Variants in KLHL2 observed in about 807,000 individuals in gnomAD.
KLHL2 encodes the protein kelch-like protein 2.
KLHL2 carries 15 observed loss-of-function variants against 75.8 expected under a neutral mutation model. That is an observed-to-expected ratio of 0.20 (90% CI 0.13 to 0.30). The LOEUF is 0.30. Ranked by LOEUF, KLHL2 falls within the 10% of genes least tolerant of loss-of-function variation. KLHL2 has a pLI of 1.00. For synonymous variants in KLHL2, 214 were observed against 251.9 expected, an observed-to-expected ratio of 0.85 and a Z score of 1.42; for missense variants, 381 against 741.0, an observed-to-expected ratio of 0.51 and a Z score of 5.64.
At chr4:165,286,693 G>T (rs1283964511) in intron 5 of KLHL2, among the ~76,000 whole-genome samples, 5 of 152,226 alleles carry the variant, frequency 3.3e-5, no homozygotes, top group Admixed American at 3.3e-4. Flanking sequence ...AGATGTGAGT[G>T]TGCATCAGCA....
intron 5 of KLHL2, among the ~76,000 whole-genome samples, chr4:165,287,932 T>G (rs116347238): frequency 0.018 from 2,721 of 152,280 alleles, 76 homozygotes; most frequent in African/African-American, 0.06. Flanking sequence ...GTCAGATACA[T>G]GACTTGCAAA....
chr4:165,290,134 T>G (rs747479770), intron 5 of KLHL2, among the ~76,000 whole-genome samples: 3 of 152,124 alleles, frequency 2.0e-5, no homozygotes, highest in Non-Finnish European at 4.4e-5. Flanking sequence ...TTCTCAATAT[T>G]TTAGAGCTCT....
chr4:165,282,097 G>A (rs185068619), intron 5 of KLHL2, among the ~76,000 whole-genome samples: 3 of 152,290 alleles, frequency 2.0e-5, no homozygotes, highest in East Asian at 3.9e-4. Context: ...TAGAACTAGG[G>A]CAATGAACAC....
Position 165,253,269 on chromosome 4 carries a change from G to C in KLHL2, c.382-9928G>C, listed in dbSNP as rs1293963193. 5.9e-5 allele frequency among the ~76,000 whole-genome samples: 9 copies of C among 152,214 alleles called. No homozygotes were observed. The East Asian group carries it at 1.7e-3, about 29-fold the overall frequency. On this transcript the variant is annotated intron_variant, in intron 4 of 14. Transcript: ENST00000226725. ...GGCTGGTCTCGAACTCCTGATCTCAGGTGATCCAACCGCCTCGGCCTCCCA... is the reference window on the plus strand; with the variant it reads ...GGCTGGTCTCGAACTCCTGATCTCACGTGATCCAACCGCCTCGGCCTCCCA...
rs1047366906 is a variant in KLHL2, at chr4:165,210,068, C to G, written c.26+2166C>G. 32 of 1,551,140 alleles carry G rather than the reference C, an allele frequency of 2.1e-5. No individual in the cohort carries two copies. In the African/African-American group the frequency reaches 4.1e-4, roughly 20 times the overall value. ...AGGCCAGTGGAAACTATTAGGAAGA[C>G]TCAGCTTTTCATGAAGTTAGATTTT... On this transcript the variant is annotated intron_variant, in intron 1 of 14. Transcript: ENST00000226725.
intron 3 of KLHL2, among the ~76,000 whole-genome samples, chr4:165,236,246 A>G (rs1413736947): frequency 6.6e-6 from 1 of 152,248 alleles, no homozygotes; most frequent in Non-Finnish European, 1.5e-5. Flanking sequence ...AGCATAATGT[A>G]GCTTCAGAGT....
chr4:165,300,573 C>T (rs948731318), intron 8 of KLHL2, among the ~76,000 whole-genome samples: 2 of 152,084 alleles, frequency 1.3e-5, no homozygotes, highest in Admixed American at 1.3e-4. Flanking sequence ...TAGCTGTGGC[C>T]ATTCATATTT....
intron 13 of KLHL2, 43 bp from the exon 14 acceptor site, chr4:165,317,783 C>G (rs1434725474): frequency 6.6e-7 from 1 of 1,522,070 alleles, no homozygotes; most frequent in Non-Finnish European, 9.1e-7. Flanking sequence ...CATATTCATC[C>G]CAATTTTTTA....
chr4:165,286,610 C>T (rs1744113119), intron 5 of KLHL2, among the ~76,000 whole-genome samples: 1 of 151,954 alleles, frequency 6.6e-6, no homozygotes, highest in Non-Finnish European at 1.5e-5. Context: ...TTGAGAAGGA[C>T]CAATGCCAAG....
At chr4:165,279,820 T>C in intron 5 of KLHL2, 1 of 677,338 alleles carries the variant, frequency 1.5e-6, no homozygotes, top group Non-Finnish European at 2.7e-6. Context: ...GCTCATTTTC[T>C]GTCTTGGCCT....
intron 1 of KLHL2, among the ~76,000 whole-genome samples, chr4:165,215,086 T>G (rs1180277571): frequency 6.6e-6 from 1 of 152,184 alleles, no homozygotes; most frequent in Non-Finnish European, 1.5e-5. Context: ...TGTAGATTAG[T>G]CTACTGTTTC....
chr4:165,218,244 G>C (rs959108397), intron 1 of KLHL2, among the ~76,000 whole-genome samples: 3 of 152,128 alleles, frequency 2.0e-5, no homozygotes, highest in Non-Finnish European at 4.4e-5. Context: ...CTCTTTTGCA[G>C]TGTCTCCTCA....
intron 4 of KLHL2, among the ~76,000 whole-genome samples, chr4:165,239,107 A>G (rs1176686515): frequency 6.6e-6 from 1 of 152,174 alleles, no homozygotes; most frequent in Non-Finnish European, 1.5e-5. Flanking sequence ...CTGAGATACA[A>G]ATCCTTTAGT....
intron 5 of KLHL2, among the ~76,000 whole-genome samples, chr4:165,272,489 A>AT (rs1461653150): frequency 1.3e-5 from 2 of 152,128 alleles, no homozygotes; most frequent in African/African-American, 2.4e-5. Flanking sequence ...ATTTTTAGAT[A>AT]TTTTTTGCTG....
At chr4:165,272,291 C>A (rs1013170613) in intron 5 of KLHL2, among the ~76,000 whole-genome samples, 1 of 152,126 alleles carries the variant, frequency 6.6e-6, no homozygotes, top group African/African-American at 2.4e-5. Context: ...TCATGCAGCA[C>A]TTTTGAATAG....
intron 4 of KLHL2, among the ~76,000 whole-genome samples, chr4:165,247,359 G>T (rs563835221): frequency 2.0e-5 from 3 of 152,300 alleles, no homozygotes; most frequent in African/African-American, 7.2e-5. Context: ...AATGCCCTTT[G>T]CTATGAAAGG....
chr4:165,279,222 C>T (rs1253432758), intron 5 of KLHL2: 1 of 1,528,918 alleles, frequency 6.5e-7, no homozygotes, highest in Non-Finnish European at 9.1e-7. Context: ...AGTGGAAGGC[C>T]TGTCTTGGAC....
At chr4:165,217,059 C>T (rs912019371) in intron 1 of KLHL2, among the ~76,000 whole-genome samples, 1 of 152,204 alleles carries the variant, frequency 6.6e-6, no homozygotes, top group Non-Finnish European at 1.5e-5. Context: ...ACTCTTAAAT[C>T]ATGACATTCT....
intron 5 of KLHL2, among the ~76,000 whole-genome samples, chr4:165,275,214 T>C (rs1742991754): frequency 6.6e-6 from 1 of 152,156 alleles, no homozygotes; most frequent in South Asian, 2.1e-4. Context: ...TAACCCCAAG[T>C]GTACTAACTT....
Sources: allele counts gnomAD v4.1 joint callset (sites outside exome capture counted in the v4.1 genomes callset), GRCh38; gene constraint gnomAD v4.1.1; transcripts MANE v1.5; gene names NCBI Gene and HGNC (gene_info 2026-07-23, HGNC 2026-07-21).